The following ENTREP2 variants were observed in gnomAD, a reference collection of about 807,000 sequenced individuals.
The protein encoded by ENTREP2 is protein ENTREP2.
At chr15:29,415,190 C>T in the ENTREP2 span, among the ~76,000 whole-genome samples, 3,467 of 152,112 alleles carry the variant, frequency 0.023, 137 homozygotes, top group African/African-American at 0.079. Context: ...CTGGCAGAGA[C>T]ACAACAAAAA....
the ENTREP2 span, among the ~76,000 whole-genome samples, chr15:29,601,517 T>C: frequency 2.0e-5 from 3 of 152,034 alleles, no homozygotes; most frequent in Non-Finnish European, 4.4e-5. Context: ...TTTATGTCTG[T>C]AAGTTTATTG....
chr15:29,341,004 GAACT>G, the ENTREP2 span, among the ~76,000 whole-genome samples: 4 of 152,174 alleles, frequency 2.6e-5, no homozygotes, highest in Non-Finnish European at 5.9e-5. Flanking sequence ...GACACACAGT[GAACT>G]AACTGGAGCC....
At chr15:29,437,811 T>A in the ENTREP2 span, among the ~76,000 whole-genome samples, 1 of 152,134 alleles carries the variant, frequency 6.6e-6, no homozygotes, top group East Asian at 1.9e-4. Context: ...AAAAGTGGTG[T>A]CCTCCTGAAT....
the ENTREP2 span, among the ~76,000 whole-genome samples, chr15:29,362,963 A>C: frequency 6.6e-6 from 1 of 152,188 alleles, no homozygotes; most frequent in Admixed American, 6.5e-5. Context: ...TAATACTGTT[A>C]GTAAATTTAA....
At chr15:29,252,277 C>G in the ENTREP2 span, 1 of 729,726 alleles carries the variant, frequency 1.4e-6, no homozygotes, top group East Asian at 2.8e-5. Context: ...ACATGAGAAC[C>G]TAAGAATACA....
the ENTREP2 span, among the ~76,000 whole-genome samples, chr15:29,568,531 C>T: frequency 0.51 from 75,502 of 148,068 alleles, 21,391 homozygotes; most frequent in Non-Finnish European, 0.65. Flanking sequence ...GACCCCATCT[C>T]TTAAAAAAAA....
chr15:29,568,765 C>A, the ENTREP2 span, among the ~76,000 whole-genome samples: 1 of 142,506 alleles, frequency 7.0e-6, no homozygotes, highest in Non-Finnish European at 1.5e-5. Context: ...AAGAGAATAA[C>A]ACTGCAAAAG....
chr15:29,577,313 GGT>G, the ENTREP2 span, among the ~76,000 whole-genome samples: 1,305 of 139,882 alleles, frequency 9.3e-3, 18 homozygotes, highest in African/African-American at 0.032. Context: ...GACTCAAAGA[GGT>G]GTGTGTGTGT....
At chr15:29,434,493 A>G in the ENTREP2 span, among the ~76,000 whole-genome samples, 1 of 152,252 alleles carries the variant, frequency 6.6e-6, no homozygotes, top group East Asian at 1.9e-4. Flanking sequence ...CAGCTGTGCA[A>G]TGTATCATAA....
the ENTREP2 span, among the ~76,000 whole-genome samples, chr15:29,277,451 T>G: frequency 6.6e-6 from 1 of 152,168 alleles, no homozygotes; most frequent in African/African-American, 2.4e-5. Flanking sequence ...GTCCCCAACC[T>G]TTTTGGTACT....
the ENTREP2 span, among the ~76,000 whole-genome samples, chr15:29,543,778 C>CA: frequency 0.09 from 12,306 of 136,150 alleles, 1,597 homozygotes; most frequent in African/African-American, 0.3. Context: ...GACTCTATCT[C>CA]AAAAAAAAAA....
the ENTREP2 span, among the ~76,000 whole-genome samples, chr15:29,504,969 A>G: frequency 6.6e-6 from 1 of 152,240 alleles, no homozygotes; most frequent in Non-Finnish European, 1.5e-5. Context: ...AAAGATTTTG[A>G]TACAAGGATG....
chr15:29,307,289 TAA>T, the ENTREP2 span, among the ~76,000 whole-genome samples: 40,478 of 148,030 alleles, frequency 0.27, 5,606 homozygotes, highest in Non-Finnish European at 0.31. Context: ...TCAGCTAACA[TAA>T]AAAAAAAAAA....
At chr15:29,501,571 G>A in the ENTREP2 span, among the ~76,000 whole-genome samples, 1 of 151,988 alleles carries the variant, frequency 6.6e-6, no homozygotes, top group African/African-American at 2.4e-5. Context: ...ACTTAACAGG[G>A]AAAGACTGAA....
chr15:29,651,476 T>C, the ENTREP2 span, among the ~76,000 whole-genome samples: 1 of 152,160 alleles, frequency 6.6e-6, no homozygotes, highest in African/African-American at 2.4e-5. Flanking sequence ...GGGCCTCCCA[T>C]TCTCAGAGTG....
chr15:29,673,383 C>A, the ENTREP2 span, among the ~76,000 whole-genome samples: 1 of 152,248 alleles, frequency 6.6e-6, no homozygotes, highest in South Asian at 2.1e-4. Flanking sequence ...TCACCCAGCC[C>A]CTACTCAAGA....
the ENTREP2 span, among the ~76,000 whole-genome samples, chr15:29,500,970 T>C: frequency 4.0e-5 from 6 of 151,898 alleles, no homozygotes; most frequent in African/African-American, 1.2e-4. Context: ...CTAGATGAAA[T>C]GGACAAATTC....
chr15:29,226,692 A>T, the ENTREP2 span, among the ~76,000 whole-genome samples: 3 of 152,172 alleles, frequency 2.0e-5, no homozygotes, highest in African/African-American at 7.2e-5. Flanking sequence ...TGGCGACATA[A>T]TTGGTGTTGG....
At chr15:29,438,230 G>T in the ENTREP2 span, among the ~76,000 whole-genome samples, 1 of 152,198 alleles carries the variant, frequency 6.6e-6, no homozygotes, top group African/African-American at 2.4e-5. Context: ...GAAGTGCCTT[G>T]CACTGTCCCC....
Sources: allele counts gnomAD v4.1 joint callset (sites outside exome capture counted in the v4.1 genomes callset), GRCh38; gene constraint gnomAD v4.1.1; transcripts MANE v1.5; gene names NCBI Gene and HGNC (gene_info 2026-07-23, HGNC 2026-07-21).